The following RBPJ variants were observed in gnomAD, a reference collection of about 807,000 sequenced individuals.
RBPJ encodes recombining binding protein suppressor of hairless.
Under a neutral mutation model 67.8 loss-of-function variants are expected in RBPJ, and 9 were observed. That is an observed-to-expected ratio of 0.13 (90% CI 0.08 to 0.23). RBPJ has a LOEUF of 0.23. Among genes scored for constraint, RBPJ ranks in the 10% least tolerant of loss-of-function variants. The pLI, the probability that RBPJ is intolerant of heterozygous loss-of-function variation, is 1.00. For synonymous variants in RBPJ, 198 were observed against 203.3 expected (o/e 0.97, Z 0.22); for missense variants, 305 against 595.6 (o/e 0.51, Z 5.08).
At chr4:26,341,308 A>T (rs1448771678) in intron 1 of RBPJ, among the ~76,000 whole-genome samples, 1 of 149,838 alleles carries the variant, frequency 6.7e-6, no homozygotes, top group Non-Finnish European at 1.5e-5. Flanking sequence ...GTCAGATAAC[A>T]TGTGGTAAAA....
chr4:26,144,054 G>A, the RBPJ span, among the ~76,000 whole-genome samples: 1 of 151,868 alleles, frequency 6.6e-6, no homozygotes, highest in South Asian at 2.1e-4. Flanking sequence ...ATTTCAAAAG[G>A]CCACAAAACA....
intron 1 of RBPJ, among the ~76,000 whole-genome samples, chr4:26,243,044 T>C (rs1016993999): frequency 6.6e-6 from 1 of 151,980 alleles, no homozygotes; most frequent in Non-Finnish European, 1.5e-5. Flanking sequence ...CTGACCAACA[T>C]GGAGAAACCC....
chr4:26,302,505 A>G (rs1338647825), intron 1 of RBPJ, among the ~76,000 whole-genome samples: 1 of 152,198 alleles, frequency 6.6e-6, no homozygotes, highest in East Asian at 1.9e-4. Context: ...TCCAGGTAAC[A>G]TCAGCATGCT....
upstream of RBPJ, among the ~76,000 whole-genome samples, chr4:26,314,731 T>C (rs1722546167): frequency 6.6e-6 from 1 of 152,164 alleles, no homozygotes; most frequent in African/African-American, 2.4e-5. Context: ...TGCGGAACCG[T>C]GAGCCAATGA....
At chr4:26,237,772 A>G (rs373149774) in intron 1 of RBPJ, among the ~76,000 whole-genome samples, 3 of 152,244 alleles carry the variant, frequency 2.0e-5, no homozygotes, top group East Asian at 3.8e-4. Flanking sequence ...TTAAATAATA[A>G]AGATACCTAG....
the RBPJ span, among the ~76,000 whole-genome samples, chr4:26,132,946 C>A: frequency 3.9e-5 from 6 of 152,204 alleles, no homozygotes; most frequent in African/African-American, 1.4e-4. Context: ...TTATTGGTAG[C>A]TCTGCCTCCC....
rs960672657 is a variant in RBPJ, at chr4:26,347,211, G to C, written c.20+26163G>C. ...TGAGAAAGCTAGATGAAGATATCCA[G>C]TGGCCAGTTATACGTGGCGATCCTG... On this transcript the variant is annotated intron_variant, in intron 1 of 10. Coordinates refer to ENST00000355476, the MANE Select transcript of RBPJ (RefSeq NM_015874.6). 3.9e-5 allele frequency among the ~76,000 whole-genome samples: 6 copies of C among 152,120 alleles called. No individual in the cohort carries two copies. In the South Asian group the frequency reaches 1.2e-3, roughly 31 times the overall value.
intron 1 of RBPJ, among the ~76,000 whole-genome samples, chr4:26,199,459 C>T (rs553368791): frequency 1.3e-4 from 20 of 152,170 alleles, no homozygotes; most frequent in South Asian, 1.2e-3. Flanking sequence ...AACAGGAGGA[C>T]GAGAAAATAC....
At chr4:26,315,186 ATATATATG>A (rs1302638538), upstream of RBPJ, among the ~76,000 whole-genome samples, 322 of 123,388 alleles carry the variant, frequency 2.6e-3, 3 homozygotes, top group African/African-American at 0.01. Flanking sequence ...ATATATATAT[ATATATATG>A]TATGTATATA....
At chr4:26,200,073 C>A (rs1404699693) in intron 1 of RBPJ, among the ~76,000 whole-genome samples, 1 of 152,164 alleles carries the variant, frequency 6.6e-6, no homozygotes, top group Non-Finnish European at 1.5e-5. Context: ...CACCTCTGGC[C>A]TCTCTTCGCC....
At chr4:26,272,309 A>T (rs548517238) in intron 1 of RBPJ, among the ~76,000 whole-genome samples, 1 of 152,334 alleles carries the variant, frequency 6.6e-6, no homozygotes, top group African/African-American at 2.4e-5. Context: ...GCTCACACCC[A>T]TAAGCCCAAC....
At chr4:26,396,736 A>G (rs1040537979) in intron 2 of RBPJ, among the ~76,000 whole-genome samples, 5 of 152,244 alleles carry the variant, frequency 3.3e-5, no homozygotes, top group Non-Finnish European at 4.4e-5. Context: ...CAGGATTTGA[A>G]GCAATTTACT....
At chr4:26,122,062 G>T in the RBPJ span, among the ~76,000 whole-genome samples, 2 of 151,904 alleles carry the variant, frequency 1.3e-5, no homozygotes, top group African/African-American at 4.8e-5. Context: ...CCCAAGCAAG[G>T]CTAATCAGAA....
At position 26,433,244 on chromosome 4, in the gene RBPJ, C is replaced by A. The variant is rs558662468; in HGVS notation, c.*2237C>A. On this transcript the variant is annotated 3_prime_UTR_variant, in exon 11 of 11. Transcript: ENST00000355476. ...TTGTTCACTGTCTCTTTCTTACAGA[C>A]CACTTATTTCTGAGTAGTAGTTATT... The A allele has an allele frequency of 3.3e-5, 5 of 152,310 alleles. No homozygotes were observed. The East Asian group carries it at 7.7e-4, about 23-fold the overall frequency. 9.4% of individuals were successfully genotyped at this position (152,310 alleles called of 1,614,324 possible). A position where few individuals can be genotyped will look rare whatever the true frequency, so the allele number is the denominator to read the frequency against.
At chr4:26,425,508 C>T (rs978246305) in intron 7 of RBPJ, among the ~76,000 whole-genome samples, 1 of 151,974 alleles carries the variant, frequency 6.6e-6, no homozygotes, top group African/African-American at 2.4e-5. Flanking sequence ...TAGTCTCAAG[C>T]TTAAGTGGGA....
upstream of RBPJ, among the ~76,000 whole-genome samples, chr4:26,320,284 C>G (rs3822223): frequency 6.6e-6 from 1 of 152,196 alleles, no homozygotes; most frequent in Non-Finnish European, 1.5e-5. Flanking sequence ...TTGCTAGAGG[C>G]CTTGGCTTGA....
chr4:26,135,525 G>T, the RBPJ span, among the ~76,000 whole-genome samples: 1 of 152,078 alleles, frequency 6.6e-6, no homozygotes, highest in East Asian at 1.9e-4. Context: ...ATTGCCCAAG[G>T]TCATAAATCC....
intron 1 of RBPJ, among the ~76,000 whole-genome samples, chr4:26,242,433 C>A (rs536974373): frequency 1.5e-5 from 2 of 137,418 alleles, no homozygotes; most frequent in South Asian, 2.3e-4. Flanking sequence ...GACAACAGAG[C>A]GAGACTCTGT....
At chr4:26,215,348 A>AG (rs1718671201) in intron 1 of RBPJ, among the ~76,000 whole-genome samples, 1 of 23,304 alleles carries the variant, frequency 4.3e-5, no homozygotes, top group South Asian at 1.7e-3. Context: ...AGAAAGAAAG[A>AG]AAAAAAGAAG....
Sources: gnomAD v4.1 joint callset for allele counts (sites outside exome capture counted in the v4.1 genomes callset) on GRCh38, gnomAD v4.1.1 for gene constraint, MANE v1.5 for transcripts, NCBI Gene and HGNC (gene_info 2026-07-23, HGNC 2026-07-21) for gene names.